Variants in ADAMTS12 observed in about 807,000 individuals in gnomAD.
The protein encoded by ADAMTS12 is ADAM metallopeptidase with thrombospondin type 1 motif 12, also known as A disintegrin and metalloproteinase with thrombospondin motifs 12.
Under a neutral mutation model 167.8 loss-of-function variants are expected in ADAMTS12, and 118 were observed. That is an observed-to-expected ratio of 0.70 (90% CI 0.61 to 0.82). ADAMTS12 has a LOEUF of 0.82. ADAMTS12 is among the 40% of genes least tolerant of loss of function. The pLI is 0.00. For synonymous variants in ADAMTS12, 704 were observed against 716.9 expected (o/e 0.98, Z 0.29); for missense variants, 1,916 against 1,998.8 (o/e 0.96, Z 0.79).
intron 16 of ADAMTS12, among the ~76,000 whole-genome samples, chr5:33,601,140 T>A (rs960048709): frequency 6.0e-5 from 9 of 148,830 alleles, no homozygotes; most frequent in African/African-American, 2.3e-4. Context: ...TGTGTGTGTG[T>A]GATCAACAAT....
chr5:33,873,268 C>G (rs1750109345), intron 2 of ADAMTS12, among the ~76,000 whole-genome samples: 1 of 151,426 alleles, frequency 6.6e-6, no homozygotes. Flanking sequence ...TACTATATAC[C>G]AGCAATGAAC....
chr5:33,737,867 G>A (rs960858251), intron 3 of ADAMTS12, among the ~76,000 whole-genome samples: 1 of 152,218 alleles, frequency 6.6e-6, no homozygotes, highest in African/African-American at 2.4e-5. Context: ...GCCTGTAGCT[G>A]TCACTCACCC....
chr5:33,845,486 A>G (rs1748910541), intron 2 of ADAMTS12, among the ~76,000 whole-genome samples: 1 of 152,252 alleles, frequency 6.6e-6, no homozygotes, highest in Non-Finnish European at 1.5e-5. Context: ...AATAACAGAT[A>G]TAATAGTAAT....
chr5:33,575,915 G>T (rs1317773506), intron 19 of ADAMTS12, 139 bp downstream of exon 19: 8 of 1,214,186 alleles, frequency 6.6e-6, no homozygotes, highest in Non-Finnish European at 9.0e-6. Flanking sequence ...AGGGAGGGGA[G>T]GGCATGGGTC....
chr5:33,844,464 G>T (rs1424862498), intron 2 of ADAMTS12, among the ~76,000 whole-genome samples: 2 of 152,078 alleles, frequency 1.3e-5, no homozygotes, highest in East Asian at 1.9e-4. Context: ...CATCTTCTAT[G>T]GTGGAAACTG....
At chr5:33,633,118 G>A (rs1217815450) in intron 12 of ADAMTS12, among the ~76,000 whole-genome samples, 1 of 150,250 alleles carries the variant, frequency 6.7e-6, no homozygotes, top group Non-Finnish European at 1.5e-5. Flanking sequence ...TAAATGCAGT[G>A]GGATAATAGG....
chr5:33,586,112 A>T (rs532637986), intron 18 of ADAMTS12, among the ~76,000 whole-genome samples: 33 of 152,302 alleles, frequency 2.2e-4, no homozygotes, highest in African/African-American at 7.0e-4. Context: ...CACAGTGCAG[A>T]CCAAATGATG....
At chr5:33,752,986 C>G (rs1745045844) in intron 2 of ADAMTS12, among the ~76,000 whole-genome samples, 1 of 152,188 alleles carries the variant, frequency 6.6e-6, no homozygotes, top group African/African-American at 2.4e-5. Flanking sequence ...GATTGCTGAC[C>G]TTAGAATGTC....
Position 33,577,014 on chromosome 5 carries a change from T to C in ADAMTS12, c.3012A>G (p.Lys1004=). 1.2e-6 allele frequency: 2 copies of C among 1,614,114 alleles called. No homozygotes were observed. Among genetic ancestry groups the C allele is most frequent in the Non-Finnish European group, 1.7e-6 (2 of 1,180,020 alleles). The change falls in exon 19 of 24, where the codon AAA becomes AAG. Residue 1004 remains lysine, a synonymous_variant. Transcript: ENST00000504830. ...QQCPSSRRVL[K]PNKGTISNGK... ...CATTGGAAATAGTGCCTTTGTTTGG[T>C]TTCAGAACTCTCCGGCTAGAAGGGC...
At chr5:33,781,803 G>A (rs1041295282) in intron 2 of ADAMTS12, among the ~76,000 whole-genome samples, 1 of 151,668 alleles carries the variant, frequency 6.6e-6, no homozygotes. Flanking sequence ...CCACTAACTC[G>A]TCATTTAGCA....
chr5:33,677,185 T>A (rs1332129764), intron 5 of ADAMTS12, among the ~76,000 whole-genome samples: 1 of 152,210 alleles, frequency 6.6e-6, no homozygotes, highest in Non-Finnish European at 1.5e-5. Context: ...ATAAGCATAG[T>A]ATTAATAAGC....
At chr5:33,754,340 G>A (rs1745099188) in intron 2 of ADAMTS12, among the ~76,000 whole-genome samples, 1 of 152,222 alleles carries the variant, frequency 6.6e-6, no homozygotes, top group Non-Finnish European at 1.5e-5. Context: ...GAATGGAAAT[G>A]GAATTGAGGA....
intron 7 of ADAMTS12, 79 bp downstream of exon 7, chr5:33,658,105 G>A: frequency 1.3e-6 from 2 of 1,549,394 alleles, no homozygotes; most frequent in East Asian, 2.3e-5. Context: ...CCAATTTGAG[G>A]TGTGTTCACC....
At chr5:33,584,959 AG>A (rs1243902312) in intron 18 of ADAMTS12, among the ~76,000 whole-genome samples, 5 of 152,224 alleles carry the variant, frequency 3.3e-5, no homozygotes, top group African/African-American at 7.2e-5. Context: ...CCATGATCTC[AG>A]CCAGGACTCT....
At chr5:33,810,421 T>C (rs1747414423) in intron 2 of ADAMTS12, among the ~76,000 whole-genome samples, 2 of 152,220 alleles carry the variant, frequency 1.3e-5, no homozygotes, top group Admixed American at 6.5e-5. Context: ...AATGTTCCAA[T>C]TGCAGTAAAT....
At chr5:33,690,439 G>A (rs954414165) in intron 3 of ADAMTS12, among the ~76,000 whole-genome samples, 2 of 150,814 alleles carry the variant, frequency 1.3e-5, no homozygotes, top group South Asian at 4.2e-4. Context: ...TTAAGAGTAT[G>A]GACAAAAAGT....
intron 20 of ADAMTS12, among the ~76,000 whole-genome samples, chr5:33,555,169 C>G (rs1400779225): frequency 6.6e-6 from 1 of 152,154 alleles, no homozygotes; most frequent in Non-Finnish European, 1.5e-5. Context: ...GTTTTGCTGT[C>G]AAACCCAGCT....
chr5:33,560,270 T>G (rs184983754), intron 20 of ADAMTS12, among the ~76,000 whole-genome samples: 135 of 152,224 alleles, frequency 8.9e-4, no homozygotes, highest in African/African-American at 3.2e-3. Flanking sequence ...TCATCCCTGA[T>G]TTTATAAGAG....
At chr5:33,536,736 C>T (rs1744433137) in intron 22 of ADAMTS12, among the ~76,000 whole-genome samples, 2 of 152,184 alleles carry the variant, frequency 1.3e-5, no homozygotes, top group Admixed American at 6.5e-5. Context: ...CCAAGTCCAC[C>T]CCCGATAGAC....
Sources: allele counts gnomAD v4.1 joint callset (sites outside exome capture counted in the v4.1 genomes callset), GRCh38; gene constraint gnomAD v4.1.1; transcripts MANE v1.5; gene names NCBI Gene and HGNC (gene_info 2026-07-23, HGNC 2026-07-21).